HNRNPA2B1: variants seen among roughly 807,000 people sequenced by gnomAD.
HNRNPA2B1 encodes the protein heterogeneous nuclear ribonucleoprotein A2/B1.
In HNRNPA2B1, 3 loss-of-function variants were observed where a neutral mutation model predicts 46.3. The ratio of observed to expected loss-of-function variants is 0.06; its 90% CI spans 0.03 to 0.17. HNRNPA2B1 has a LOEUF of 0.17. Ranked by LOEUF, HNRNPA2B1 falls within the 10% of genes least tolerant of loss-of-function variation. The pLI is 1.00. For missense variants in HNRNPA2B1, 221 were observed against 418.9 expected, an observed-to-expected ratio of 0.53 and a Z score of 4.12; for synonymous variants, 225 against 133.8, an observed-to-expected ratio of 1.68 and a Z score of -4.70.
chr7:26,196,264 G>T, intron 6 of HNRNPA2B1, 137 bp downstream of exon 6: 1 of 704,028 alleles, frequency 1.4e-6, no homozygotes, highest in Non-Finnish European at 2.4e-6. Flanking sequence ...AATCACAAGA[G>T]CTTGCCAGGA....
In HNRNPA2B1 at chr7:26,200,682, T is replaced by C; in HGVS notation, c.-105A>G. ...CTCGTCCTGGCGCTGTAGTGAGAACTGCCGCTGCTCGAGAAACAACTCTGC... is the reference window on the plus strand; with the variant it reads ...CTCGTCCTGGCGCTGTAGTGAGAACCGCCGCTGCTCGAGAAACAACTCTGC... On this transcript the variant is annotated 5_prime_UTR_variant, in exon 1 of 11. Coordinates refer to ENST00000618183, the MANE Select transcript of HNRNPA2B1 (RefSeq NM_002137.4). 2.8e-6 allele frequency: 4 copies of C among 1,423,010 alleles called. No individual in the cohort carries two copies. The highest frequency in any genetic ancestry group is 2.3e-5 in the East Asian group (1 of 44,020). 88.1% of individuals were successfully genotyped at this position (1,423,010 alleles called of 1,614,324 possible). A position where few individuals can be genotyped will look rare whatever the true frequency, so the allele number is the denominator to read the frequency against.
chr7:26,196,438 G>A lies in HNRNPA2B1; in HGVS notation c.621C>T (p.Phe207=), dbSNP rs75052951. 25 of 1,614,116 alleles carry A rather than the reference G, an allele frequency of 1.5e-5. No individual in the cohort carries two copies. Among genetic ancestry groups the A allele is most frequent in the South Asian group, 5.5e-5 (5 of 91,084 alleles). ...FGDSRGGGGN[F]GPGPGSNFRG... is the part of the protein sequence containing the mutation. ...TAAAGTTACTTCCTGGTCCTGGTCC[G>A]AAATTTCCACCGCCACCACGTGAAT... is the stretch of plus-strand genomic sequence containing the variant. The change falls in exon 6 of 11, where the codon TTC becomes TTT. Residue 207 remains phenylalanine, a synonymous_variant. Transcript: ENST00000618183.
At chr7:26,200,097 T>A in intron 1 of HNRNPA2B1, 1 of 185,590 alleles carries the variant, frequency 5.4e-6, no homozygotes, top group South Asian at 8.7e-5. Flanking sequence ...AATAAAAGAG[T>A]TATAAGGAAA....
chr7:26,194,113 C>T (rs529413526), intron 7 of HNRNPA2B1, among the ~76,000 whole-genome samples: 12 of 152,202 alleles, frequency 7.9e-5, no homozygotes, highest in East Asian at 3.9e-4. Context: ...ACAATGTTCT[C>T]GGTTGGGCAC....
chr7:26,196,764 A>G (rs767756722), intron 4 of HNRNPA2B1, 43 bp downstream of exon 4: 13 of 1,581,328 alleles, frequency 8.2e-6, no homozygotes, highest in Non-Finnish European at 1.1e-5. Flanking sequence ...CACAAAATTG[A>G]ATACACTGGA....
Position 26,193,315 on chromosome 7 carries a change from G to A in HNRNPA2B1, c.900C>T (p.Asn300=), listed in dbSNP as rs1176777518. 6.2e-7 allele frequency: 1 copy of A among 1,612,106 alleles called. No individual in the cohort carries two copies. Among genetic ancestry groups the A allele is most frequent in the Non-Finnish European group, 8.5e-7 (1 of 1,178,374 alleles). ...DFGNYNQQPS[N]YGPMKSGNFG... is the part of the protein sequence containing the mutation. The stretch of plus-strand genomic sequence containing the variant: ...AGTTTCCACTCTTCATTGGACCGTA[G>A]TTAGAAGGTTGCTGGTTATAATTTC... The change falls in exon 9 of 11, where the codon AAC becomes AAT. Residue 300 remains asparagine (N), a synonymous_variant. Transcript: ENST00000618183.
At chr7:26,197,599 T>G (rs754991548) in intron 2 of HNRNPA2B1, 23 bp downstream of exon 2, 2 of 1,583,884 alleles carry the variant, frequency 1.3e-6, no homozygotes, top group South Asian at 2.2e-5. Context: ...TAATATCCAG[T>G]AACAATTCAG....
Position 26,190,489 on chromosome 7 carries a change from G to A in HNRNPA2B1, c.*1871C>T, listed in dbSNP as rs994575738. ...CCAAAGGAAAAAAAAAGTATCTGAAGAAGTTTATCATGTTTGTCCAAAAGA... is the reference window on the plus strand; with the variant it reads ...CCAAAGGAAAAAAAAAGTATCTGAAAAAGTTTATCATGTTTGTCCAAAAGA... On this transcript the variant is annotated 3_prime_UTR_variant, in exon 11 of 11. Coordinates refer to ENST00000618183, the MANE Select transcript of HNRNPA2B1 (RefSeq NM_002137.4). 2.6e-5 allele frequency: 4 copies of A among 152,500 alleles called. No individual in the cohort carries two copies. The highest frequency in any genetic ancestry group is 4.4e-5 in the Non-Finnish European group (3 of 68,002). 9.4% of individuals were successfully genotyped at this position (152,500 alleles called of 1,614,324 possible).
intron 5 of HNRNPA2B1, 23 bp downstream of exon 5, chr7:26,196,534 A>T (rs1783662453): frequency 3.1e-6 from 5 of 1,612,294 alleles, no homozygotes; most frequent in Non-Finnish European, 2.5e-6. Flanking sequence ...ACAAAAATAA[A>T]GAAGAAACAG....
Position 26,198,068 on chromosome 7 carries a change from C to A in HNRNPA2B1, c.7-336G>T. 7.4e-6 allele frequency: 3 copies of A among 405,348 alleles called. No homozygotes were observed. In the South Asian group the frequency reaches 2.3e-4, roughly 31 times the overall value. 25.1% of individuals were successfully genotyped at this position (405,348 alleles called of 1,614,324 possible). A position where few individuals can be genotyped will look rare whatever the true frequency, so the allele number is the denominator to read the frequency against. On this transcript the variant is annotated intron_variant, in intron 1 of 10. Coordinates refer to ENST00000618183, the MANE Select transcript of HNRNPA2B1 (RefSeq NM_002137.4). The stretch of plus-strand genomic sequence containing the variant: ...CTAAGGAAAAATAAACAAATGTAGA[C>A]CGTGATTATCAAAGGATTATTAAAG...
Position 26,197,703 on chromosome 7 carries a change from A to G in HNRNPA2B1, c.36T>C (p.Phe12=), listed in dbSNP as rs1469494194. Residue 12 remains phenylalanine (F), a synonymous_variant, in exon 2 of 11, where the codon TTT becomes TTC. Transcript: ENST00000618183. ...TGGTTTCAAAGCTTAAGCCACCAAT[A>G]AAGAGCTTACGGAACTGTTCCTTTT... ...EREKEQFRKL[F]IGGLSFETTE... is the part of the protein sequence containing the mutation. The G allele has an allele frequency of 1.2e-6, 2 of 1,613,812 alleles. No homozygotes were observed. Among genetic ancestry groups the G allele is most frequent in the East Asian group, 2.2e-5 (1 of 44,872 alleles).
chr7:26,195,957 T>C (rs1583986434), intron 6 of HNRNPA2B1, 48 bp from the exon 7 acceptor site: 2 of 1,554,062 alleles, frequency 1.3e-6, no homozygotes, highest in South Asian at 1.2e-5. Context: ...CTGTTCAGCA[T>C]TATTGCTAAT....
rs1461964424 is a variant in HNRNPA2B1 at position 26,200,607 on chromosome 7, C to T, written c.-30G>A. 6.2e-7 allele frequency: 1 copy of T among 1,613,596 alleles called. No individual in the cohort carries two copies. The highest frequency in any genetic ancestry group is 1.1e-5 in the South Asian group (1 of 91,090). ...GACTCAGTCGCTTCAGCCCGATTTC[C>T]CGCAGCCGAGCGAGATGAGAGAGAT... On this transcript the variant is annotated 5_prime_UTR_variant, in exon 1 of 11. Coordinates refer to ENST00000618183, the MANE Select transcript of HNRNPA2B1 (RefSeq NM_002137.4).
intron 7 of HNRNPA2B1, among the ~76,000 whole-genome samples, chr7:26,195,340 G>A (rs559074845): frequency 2.6e-5 from 4 of 152,200 alleles, no homozygotes; most frequent in East Asian, 1.9e-4. Context: ...TTTTCTGTAC[G>A]CCAATGATAT....
chr7:26,195,803 A>C, intron 7 of HNRNPA2B1, 44 bp downstream of exon 7: 2 of 1,593,236 alleles, frequency 1.3e-6, no homozygotes, highest in Non-Finnish European at 1.7e-6. Flanking sequence ...GATATAGTTA[A>C]GTATTAGTCA....
rs1338584509 is a variant in HNRNPA2B1 at position 26,192,538 on chromosome 7, T to C, written c.1004A>G (p.Tyr335Cys). Residue 335 changes from tyrosine to cysteine, a missense_variant, in exon 10 of 11, where the codon TAT (tyrosine) becomes TGT (cysteine). Around this residue, in one of 2 missense-constraint regions of HNRNPA2B1, gnomAD observed 143 missense variants for 200.5 expected, o/e 0.71. Coordinates refer to ENST00000618183, the MANE Select transcript of HNRNPA2B1 (RefSeq NM_002137.4). ...AGCTCAGTATCGGCTCCTCCCACCA[T>C]AACCCCCACTTCCTCCACTGCCTCC... Reference protein sequence around the residue: ...GPGGSGGSGGYGGRSRY With the variant: ...GPGGSGGSGGCGGRSRY 1.9e-6 allele frequency: 3 copies of C among 1,613,888 alleles called. No individual in the cohort carries two copies. Among genetic ancestry groups the C allele is most frequent in the African/African-American group, 2.7e-5 (2 of 74,932 alleles).
In HNRNPA2B1 at chr7:26,195,048, G is replaced by A. The variant is rs1016982023; in HGVS notation, c.721+799C>T. 3.2e-4 allele frequency among the ~76,000 whole-genome samples: 45 copies of A among 139,180 alleles called. 1 individual carries two copies. Among genetic ancestry groups the A allele is most frequent in the African/African-American group, 1.7e-4 (6 of 36,214 alleles). 91.3% of individuals were successfully genotyped at this position (139,180 alleles called of 152,430 possible). On this transcript the variant is annotated intron_variant, in intron 7 of 10. Coordinates refer to ENST00000618183, the MANE Select transcript of HNRNPA2B1 (RefSeq NM_002137.4). ...GGCAGAGATTGCAGTGAGCAGAGAC[G>A]CGCCACTACACTCCAGCCTGGGTGA... is the stretch of plus-strand genomic sequence containing the variant.
chr7:26,200,030 G>A (rs73281550), intron 1 of HNRNPA2B1: 4,697 of 158,518 alleles, frequency 0.03, 81 homozygotes, highest in Middle Eastern at 0.053. Context: ...AACAGCCCGA[G>A]AAGAAAAAAA....
At chr7:26,195,349 A>G (rs1001174655) in intron 7 of HNRNPA2B1, among the ~76,000 whole-genome samples, 3 of 152,188 alleles carry the variant, frequency 2.0e-5, no homozygotes, top group Admixed American at 6.5e-5. Flanking sequence ...CGCCAATGAT[A>G]TATCACACTT....
Sources: gnomAD v4.1 joint callset for allele counts (sites outside exome capture counted in the v4.1 genomes callset) on GRCh38, gnomAD v4.1.1 for gene constraint, gnomAD v4.1.1 regional missense constraint, MANE v1.5 for transcripts, NCBI Gene and HGNC (gene_info 2026-07-23, HGNC 2026-07-21) for gene names.